The following PCDH11X variants were observed in gnomAD, a reference collection of about 807,000 sequenced individuals.
The protein encoded by PCDH11X is protocadherin 11 X-linked, also known as protocadherin-11 X-linked.
A neutral mutation model predicts 53.3 loss-of-function variants in PCDH11X; 18 were observed. That is an observed-to-expected ratio of 0.34 (90% confidence interval 0.23 to 0.50). The LOEUF (loss-of-function observed/expected upper bound fraction) is 0.50, where lower values mean the gene tolerates loss of function less well. Among genes scored for constraint, PCDH11X ranks in the 20% least tolerant of loss-of-function variants. The pLI is 0.98. For missense variants in PCDH11X, 570 were observed against 1,032.4 expected, an observed-to-expected ratio of 0.55 and a Z score of 6.14; for synonymous variants, 279 against 393.3, an observed-to-expected ratio of 0.71 and a Z score of 3.44.
chrX:92,597,880 A>G (rs1925804871), intron 10 of PCDH11X, among the ~76,000 whole-genome samples: 1 of 111,739 alleles, frequency 8.9e-6, no homozygotes. Flanking sequence ...CCAAACACGT[A>G]CAGTGAACTC....
At chrX:91,998,675 C>T (rs1450570303) in intron 6 of PCDH11X, among the ~76,000 whole-genome samples, 2 of 110,403 alleles carry the variant, frequency 1.8e-5, no homozygotes, top group African/African-American at 6.6e-5. Context: ...ATATATTCTA[C>T]CATGTTGAAC....
chrX:92,331,431 T>A (rs1052803577), intron 8 of PCDH11X, among the ~76,000 whole-genome samples: 1 of 103,251 alleles, frequency 9.7e-6, no homozygotes, highest in African/African-American at 3.5e-5. Context: ...TGTTTTTAAA[T>A]TGCCTAGAAT....
At chrX:92,024,711 T>A (rs1602703534) in intron 6 of PCDH11X, among the ~76,000 whole-genome samples, 1 of 41,002 alleles carries the variant, frequency 2.4e-5, no homozygotes, top group Non-Finnish European at 4.2e-5. Flanking sequence ...GCCAAGACAA[T>A]CCTAAGCAAA....
intron 6 of PCDH11X, among the ~76,000 whole-genome samples, chrX:92,143,083 C>G (rs1307212706): frequency 3.6e-5 from 4 of 111,162 alleles, no homozygotes; most frequent in African/African-American, 1.3e-4. Context: ...TTGAGACCAG[C>G]CTGGTTAACA....
intron 6 of PCDH11X, among the ~76,000 whole-genome samples, chrX:91,963,407 G>C (rs2563079): frequency 0.13 from 13,483 of 104,577 alleles, 2,015 homozygotes; most frequent in African/African-American, 0.37. Context: ...CCACCAGTCT[G>C]TTTGCTAGAG....
intron 10 of PCDH11X, among the ~76,000 whole-genome samples, chrX:92,610,803 T>C (rs1302638278): frequency 9.0e-6 from 1 of 111,119 alleles, no homozygotes; most frequent in Non-Finnish European, 1.9e-5. Context: ...AGTTTCATTC[T>C]TCTACATGTG....
intron 10 of PCDH11X, among the ~76,000 whole-genome samples, chrX:92,545,369 A>C (rs1254330802): frequency 1.0e-5 from 1 of 98,841 alleles, no homozygotes; most frequent in Non-Finnish European, 2.0e-5. Flanking sequence ...AGTATCATTG[A>C]CTTCGAAGGT....
intron 6 of PCDH11X, among the ~76,000 whole-genome samples, chrX:92,052,204 C>T (rs1170333942): frequency 1.8e-5 from 2 of 111,283 alleles, no homozygotes; most frequent in African/African-American, 6.5e-5. Context: ...ATTTAGATGC[C>T]TTATGACTAC....
chrX:92,549,909 A>G (rs936760396), intron 10 of PCDH11X, among the ~76,000 whole-genome samples: 2 of 111,769 alleles, frequency 1.8e-5, no homozygotes. Context: ...TAATTAGCAT[A>G]TCAATCACTT....
chrX:92,112,827 C>G (rs1435541845), intron 6 of PCDH11X, among the ~76,000 whole-genome samples: 3 of 106,686 alleles, frequency 2.8e-5, no homozygotes, highest in Non-Finnish European at 3.8e-5. Flanking sequence ...AAGAATTACT[C>G]AAGTTGTTTC....
At chrX:91,916,069 A>G (rs2147810726) in intron 6 of PCDH11X, among the ~76,000 whole-genome samples, 1 of 110,948 alleles carries the variant, frequency 9.0e-6, no homozygotes. Flanking sequence ...TGAAAACTAA[A>G]TAATCTGCTC....
chrX:92,221,484 G>T (rs1744670590), intron 7 of PCDH11X, among the ~76,000 whole-genome samples: 1 of 110,575 alleles, frequency 9.0e-6, no homozygotes, highest in African/African-American at 3.3e-5. Context: ...GTGCCTCTTT[G>T]TTGATTTTGG....
chrX:91,817,141 C>T (rs924722412), intron 4 of PCDH11X, among the ~76,000 whole-genome samples: 6 of 110,472 alleles, frequency 5.4e-5, no homozygotes, highest in Non-Finnish European at 9.5e-5. Context: ...TAGCATATCA[C>T]ATAGGTTTTA....
At chrX:92,589,732 C>G (rs1305806199) in intron 10 of PCDH11X, among the ~76,000 whole-genome samples, 1 of 111,319 alleles carries the variant, frequency 9.0e-6, no homozygotes, top group Non-Finnish European at 1.9e-5. Flanking sequence ...TAATCTACCC[C>G]CCCATCTTAC....
chrX:92,042,549 A>G (rs1243080430), intron 6 of PCDH11X, among the ~76,000 whole-genome samples: 6 of 104,673 alleles, frequency 5.7e-5, no homozygotes, highest in Non-Finnish European at 1.2e-4. Flanking sequence ...AATGAACTAC[A>G]TTTAGCTATT....
At chrX:92,541,561 TA>T (rs1463952696) in intron 10 of PCDH11X, among the ~76,000 whole-genome samples, 1 of 111,672 alleles carries the variant, frequency 9.0e-6, no homozygotes, top group African/African-American at 3.3e-5. Context: ...TGTGTGCAGA[TA>T]CTTGTTAAAA....
chrX:91,886,753 C>T (rs753838822), intron 6 of PCDH11X, among the ~76,000 whole-genome samples: 5 of 109,335 alleles, frequency 4.6e-5, no homozygotes, highest in Admixed American at 9.9e-5. Flanking sequence ...GGGAGGATCA[C>T]AAGGTCAGGA....
intron 8 of PCDH11X, among the ~76,000 whole-genome samples, chrX:92,368,280 C>T (rs2070524818): frequency 9.0e-6 from 1 of 111,315 alleles, no homozygotes; most frequent in Non-Finnish European, 1.9e-5. Context: ...TCCACTTTAT[C>T]AGCTTGGCTA....
chrX:92,563,843 G>A (rs1921125987), intron 10 of PCDH11X, among the ~76,000 whole-genome samples: 1 of 110,919 alleles, frequency 9.0e-6, no homozygotes, highest in African/African-American at 3.3e-5. Flanking sequence ...CTGCTCTTAA[G>A]TAGAAAGACT....
Sources: gnomAD v4.1 joint callset for allele counts (sites outside exome capture counted in the v4.1 genomes callset) on GRCh38, gnomAD v4.1.1 for gene constraint, MANE v1.5 for transcripts, NCBI Gene and HGNC (gene_info 2026-07-23, HGNC 2026-07-21) for gene names.